The following ZNF182 variants were observed in gnomAD, a reference collection of about 807,000 sequenced individuals.
The protein encoded by ZNF182 is zinc finger protein 182.
A neutral mutation model predicts 28.1 loss-of-function variants in ZNF182; 10 were observed. The observed-to-expected ratio is 0.36, with a 90% CI of 0.22 to 0.60. The LOEUF is 0.60. Among genes scored for constraint, ZNF182 ranks in the 20% least tolerant of loss-of-function variants. The probability of loss-of-function intolerance (pLI) is 0.75; values close to 1 mark genes in which losing one functional copy is unlikely to be tolerated. For missense variants in ZNF182, 352 were observed against 453.2 expected (o/e 0.78, Z 2.03); for synonymous variants, 156 against 158.7 (o/e 0.98, Z 0.13).
chrX:47,976,517 T>C lies in ZNF182; in HGVS notation c.1513A>G (p.Arg505Gly), dbSNP rs1263491429. The part of the protein sequence containing the change: ...YKCNECGKAF[R>G]EKSKLIIHQR... ...TGTATAATGAGCTTTGACTTTTCTCTGAAGGCTTTGCCACATTCATTACAT... is the reference window on the plus strand; with the variant it reads ...TGTATAATGAGCTTTGACTTTTCTCCGAAGGCTTTGCCACATTCATTACAT... Residue 505 changes from arginine (R) to glycine (G), a missense_variant, in exon 6 of 6, where the codon AGA becomes GGA. Coordinates refer to ENST00000376943, the MANE Select transcript of ZNF182 (RefSeq NM_001007088.2). 8.3e-7 allele frequency: 1 copy of C among 1,208,966 alleles called. No homozygotes were observed. Among genetic ancestry groups the C allele is most frequent in the Non-Finnish European group, 1.1e-6 (1 of 894,402 alleles).
In ZNF182 at chrX:47,983,425, T is replaced by C. The variant is rs376661048; in HGVS notation, c.16-14A>G. ...TGTCACTAGCCCCTGTAATGGTACA[T>C]TCCTTTTATTTTAAAATGCTGACCA... On this transcript the variant is annotated splice_polypyrimidine_tract_variant and intron_variant, in intron 3 of 5. Coordinates refer to ENST00000376943, the MANE Select transcript of ZNF182 (RefSeq NM_001007088.2). The C allele has an allele frequency of 1.7e-6, 2 of 1,184,359 alleles. No homozygotes were observed. The highest frequency in any genetic ancestry group is 1.1e-6 in the Non-Finnish European group (1 of 882,620).
chrX:47,982,981 G>T lies in ZNF182; in HGVS notation c.200C>A (p.Ala67Glu). ...GTTCCAAAATGGGATTTTTCCTTCT[G>T]CCGGGCATTCTTCTACCTCCAACTT... ...ILKLEVEECPAEGKIPFWNFP... is the reference protein window; with the variant it reads ...ILKLEVEECPEEGKIPFWNFP... The change falls in exon 5 of 6, where the codon GCA becomes GAA. Residue 67 changes from alanine (A) to glutamate (E), a missense_variant. Coordinates refer to ENST00000376943, the MANE Select transcript of ZNF182 (RefSeq NM_001007088.2). 8.3e-7 allele frequency: 1 copy of T among 1,211,187 alleles called. No homozygotes were observed. Among genetic ancestry groups the T allele is most frequent in the Non-Finnish European group, 1.1e-6 (1 of 895,290 alleles).
chrX:47,979,777 G>A (rs1425563685), intron 5 of ZNF182, among the ~76,000 whole-genome samples: 1 of 110,548 alleles, frequency 9.0e-6, no homozygotes, highest in Non-Finnish European at 1.9e-5. Flanking sequence ...GTTACCTGAG[G>A]CAGGAAACAA....
chrX:48,001,457 A>T (rs1308549738), intron 3 of ZNF182, among the ~76,000 whole-genome samples: 4 of 112,016 alleles, frequency 3.6e-5, no homozygotes, highest in Non-Finnish European at 7.5e-5. Flanking sequence ...ATACCATACG[A>T]TCCATTTCTA....
At chrX:47,982,501 TAGATA>T (rs782654020) in intron 5 of ZNF182, among the ~76,000 whole-genome samples, 49 of 112,318 alleles carry the variant, frequency 4.4e-4, no homozygotes, top group East Asian at 2.8e-4. Flanking sequence ...TTTTAAAAAA[TAGATA>T]AGATGTTTTA....
intron 3 of ZNF182, among the ~76,000 whole-genome samples, chrX:47,999,820 T>C (rs2058972603): frequency 8.9e-6 from 1 of 112,423 alleles, no homozygotes; most frequent in African/African-American, 3.2e-5. Flanking sequence ...CCCATAAATA[T>C]GTATAATTAT....
intron 3 of ZNF182, among the ~76,000 whole-genome samples, chrX:47,984,211 A>C: frequency 8.9e-6 from 1 of 111,880 alleles, no homozygotes; most frequent in South Asian, 3.7e-4. Context: ...GTGAAAAATT[A>C]AGCCACATTG....
intron 3 of ZNF182, among the ~76,000 whole-genome samples, chrX:47,986,683 A>G (rs2058924413): frequency 9.0e-6 from 1 of 111,627 alleles, no homozygotes; most frequent in South Asian, 3.8e-4. Context: ...GCCAGAGGAA[A>G]TTAACATTTG....
chrX:47,997,465 A>C (rs781842158), intron 3 of ZNF182, among the ~76,000 whole-genome samples: 9 of 110,911 alleles, frequency 8.1e-5, no homozygotes, highest in African/African-American at 3.0e-4. Flanking sequence ...TTCAGAGCCA[A>C]AACTCATCCA....
chrX:47,999,118 G>A (rs2058969643), intron 3 of ZNF182, among the ~76,000 whole-genome samples: 1 of 111,768 alleles, frequency 8.9e-6, no homozygotes, highest in Non-Finnish European at 1.9e-5. Context: ...GGTGGCTCAT[G>A]CCTATAGTCC....
At chrX:47,977,878 A>G (rs988558343) in intron 5 of ZNF182, 81 bp from the exon 6 acceptor site, 1 of 860,224 alleles carries the variant, frequency 1.2e-6, no homozygotes, top group African/African-American at 2.0e-5. Context: ...GCCATATGAA[A>G]GCTGATACTA....
At position 47,983,355 on chromosome X, in the gene ZNF182, G is replaced by A. The variant is rs1556899384; in HGVS notation, c.72C>T (p.Tyr24=). 5.0e-6 allele frequency: 6 copies of A among 1,210,647 alleles called. No homozygotes were observed. In the South Asian group the frequency reaches 5.3e-5, roughly 11 times the overall value. Residue 24 remains tyrosine (Y), a synonymous_variant, in exon 4 of 6, where the codon TAC becomes TAT. Coordinates refer to ENST00000376943, the MANE Select transcript of ZNF182 (RefSeq NM_001007088.2). ...ACAGGGTCCTCTGTGGTGGGTTCAG[G>A]TACTGCCACTCCTCCTGGGTGAAAT... The part of the protein sequence containing the change: ...AVDFTQEEWQ[Y]LNPPQRTLYR...
At chrX:47,985,162 C>G (rs184017138) in intron 3 of ZNF182, among the ~76,000 whole-genome samples, 306 of 111,947 alleles carry the variant, frequency 2.7e-3, no homozygotes, top group African/African-American at 9.3e-3. Flanking sequence ...TTTTAATGAT[C>G]AAAACCTAGA....
At chrX:47,980,044 C>G (rs1318788622) in intron 5 of ZNF182, among the ~76,000 whole-genome samples, 2 of 111,112 alleles carry the variant, frequency 1.8e-5, no homozygotes, top group Admixed American at 1.9e-4. Context: ...GGAATCAAAC[C>G]TAAGTGTCCA....
intron 5 of ZNF182, among the ~76,000 whole-genome samples, chrX:47,978,074 C>CT (rs1226302919): frequency 9.1e-6 from 1 of 109,725 alleles, no homozygotes; most frequent in Non-Finnish European, 1.9e-5. Flanking sequence ...ATCATATAAA[C>CT]TTTTTTTTTA....
intron 3 of ZNF182, 26 bp from the exon 4 acceptor site, chrX:47,983,437 T>C: frequency 8.5e-7 from 1 of 1,178,601 alleles, no homozygotes; most frequent in Non-Finnish European, 1.1e-6. Context: ...CCTTTTATTT[T>C]AAAATGCTGA....
At position 47,976,112 on chromosome X, in the gene ZNF182, T is replaced by C. The variant is rs2058882391; in HGVS notation, c.*55A>G. On this transcript the variant is annotated 3_prime_UTR_variant, in exon 6 of 6. Transcript: ENST00000376943. ...TCAAAATATACTTTTAAAATGTGAG[T>C]AAAATTGACACAACTTTCTTTCAGT... 1 of 1,037,735 alleles carries C rather than the reference T, an allele frequency of 9.6e-7. No homozygotes were observed. Among genetic ancestry groups the C allele is most frequent in the African/African-American group, 1.9e-5 (1 of 52,634 alleles). The allele number at this position is 1,037,735 out of a possible 1,213,427, so 85.5% of individuals were successfully genotyped here.
chrX:47,991,260 G>A (rs2058940488), intron 3 of ZNF182, among the ~76,000 whole-genome samples: 2 of 111,441 alleles, frequency 1.8e-5, no homozygotes, highest in Non-Finnish European at 3.8e-5. Context: ...TGAGGCCACA[G>A]CGAGAAGACA....
chrX:47,983,100 T>C (rs2058911884), intron 4 of ZNF182, 62 bp from the exon 5 acceptor site: 2 of 1,138,743 alleles, frequency 1.8e-6, no homozygotes, highest in African/African-American at 3.6e-5. Context: ...ACAGAAGAAG[T>C]TACATATTGG....
Sources: allele counts gnomAD v4.1 joint callset (sites outside exome capture counted in the v4.1 genomes callset), GRCh38; gene constraint gnomAD v4.1.1; transcripts MANE v1.5; gene names NCBI Gene and HGNC (gene_info 2026-07-23, HGNC 2026-07-21).